Variants in RYR3 observed in about 807,000 individuals in gnomAD.
RYR3 encodes brain ryanodine receptor-calcium release channel.
RYR3 carries 207 observed loss-of-function variants against 584.3 expected under a neutral mutation model. The observed-to-expected ratio is 0.35, with a 90% CI of 0.32 to 0.40. The LOEUF (loss-of-function observed/expected upper bound fraction) is 0.40. Ranked by LOEUF, RYR3 falls within the 10% of genes least tolerant of loss-of-function variation. RYR3 has a pLI of 1.00. For synonymous variants in RYR3, 2,416 were observed against 2,248.5 expected (o/e 1.07, Z -2.11); for missense variants, 5,616 against 6,089.2 (o/e 0.92, Z 2.59).
intron 1 of RYR3, among the ~76,000 whole-genome samples, chr15:33,470,387 C>A (rs1280506429): frequency 1.3e-5 from 2 of 151,494 alleles, no homozygotes; most frequent in Non-Finnish European, 2.9e-5. Flanking sequence ...AGAGTTGAAA[C>A]AAGCTGAAAA....
At chr15:33,334,990 A>C (rs540109355) in intron 1 of RYR3, among the ~76,000 whole-genome samples, 27 of 152,322 alleles carry the variant, frequency 1.8e-4, no homozygotes, top group African/African-American at 6.0e-4. Flanking sequence ...ACCATCTCAC[A>C]CCAGTCAGAA....
chr15:33,567,693 AT>A (rs1431136205), intron 12 of RYR3, among the ~76,000 whole-genome samples: 5 of 152,136 alleles, frequency 3.3e-5, no homozygotes, highest in African/African-American at 1.2e-4. Flanking sequence ...TCTCCCACAG[AT>A]TCTTAAAGTT....
chr15:33,696,540 G>A (rs777398711), intron 39 of RYR3, 49 bp downstream of exon 39: 2 of 1,569,866 alleles, frequency 1.3e-6, no homozygotes, highest in South Asian at 1.1e-5. Flanking sequence ...CTTTAAGTGG[G>A]AAAACTGACT....
chr15:33,788,729 G>C (rs1277353792), intron 67 of RYR3, among the ~76,000 whole-genome samples: 1 of 152,156 alleles, frequency 6.6e-6, no homozygotes, highest in East Asian at 1.9e-4. Context: ...TCAAATAAAG[G>C]TAGCAGTGAC....
intron 1 of RYR3, among the ~76,000 whole-genome samples, chr15:33,402,775 A>C (rs1269112711): frequency 6.6e-6 from 1 of 152,202 alleles, no homozygotes; most frequent in Non-Finnish European, 1.5e-5. Flanking sequence ...CTCTGCTGGG[A>C]TATCAAATTT....
At chr15:33,519,242 C>T (rs541043200) in intron 3 of RYR3, among the ~76,000 whole-genome samples, 1 of 152,276 alleles carries the variant, frequency 6.6e-6, no homozygotes, top group South Asian at 2.1e-4. Context: ...AGCTTATCTA[C>T]AGTCTTCACC....
Position 33,799,312 on chromosome 15 carries a change from G to A in RYR3, c.9831-1458G>A, listed in dbSNP as rs185377825. On this transcript the variant is annotated intron_variant, in intron 67 of 103. Coordinates refer to ENST00000634891, the MANE Select transcript of RYR3 (RefSeq NM_001036.6). The stretch of plus-strand genomic sequence containing the variant: ...GATGTACCAACTCTGCAATTAGAGG[G>A]TTGGGACTTTCAGCCCCACCACCAT... Among the ~76,000 whole-genome samples, 15 of 152,284 alleles carry A rather than the reference G, an allele frequency of 9.9e-5. No homozygotes were observed. The East Asian group carries it at 2.3e-3, about 24-fold the overall frequency.
chr15:33,706,897 A>C, intron 42 of RYR3, 22 bp from the exon 43 acceptor site: 1 of 1,578,712 alleles, frequency 6.3e-7, no homozygotes, highest in Non-Finnish European at 8.6e-7. Context: ...GCGAAAGAAC[A>C]CTTTTGTACT....
At chr15:33,754,799 C>T (rs1039743540) in intron 57 of RYR3, among the ~76,000 whole-genome samples, 14 of 152,078 alleles carry the variant, frequency 9.2e-5, no homozygotes, top group African/African-American at 2.4e-4. Context: ...AAATTCTTTC[C>T]GTAAGAGCAG....
chr15:33,471,520 A>G (rs2048928487), intron 1 of RYR3, among the ~76,000 whole-genome samples: 1 of 151,908 alleles, frequency 6.6e-6, no homozygotes, highest in Non-Finnish European at 1.5e-5. Flanking sequence ...AGAAAGGGAA[A>G]GAGAATTGAG....
chr15:33,675,364 G>A (rs1393521557), intron 38 of RYR3, among the ~76,000 whole-genome samples: 1 of 152,226 alleles, frequency 6.6e-6, no homozygotes, highest in Non-Finnish European at 1.5e-5. Context: ...AAATCACACA[G>A]AGGTGGCATA....
At chr15:33,789,832 G>A (rs1370923666) in intron 67 of RYR3, among the ~76,000 whole-genome samples, 4 of 141,376 alleles carry the variant, frequency 2.8e-5, no homozygotes, top group African/African-American at 1.0e-4. Context: ...AGGCCACCAT[G>A]CCTGGCTAAT....
chr15:33,514,071 T>C (rs1236971943), intron 3 of RYR3, among the ~76,000 whole-genome samples: 1 of 152,172 alleles, frequency 6.6e-6, no homozygotes, highest in African/African-American at 2.4e-5. Context: ...CCTTAAAAAA[T>C]GTTCTTACTG....
At chr15:33,834,903 T>TACTAGACA in intron 86 of RYR3, 65 bp from the exon 87 acceptor site, 1 of 1,289,474 alleles carries the variant, frequency 7.8e-7, no homozygotes, top group Non-Finnish European at 1.1e-6. Flanking sequence ...CAGATGCCCT[T>TACTAGACA]ACTAGACAGG....
intron 32 of RYR3, among the ~76,000 whole-genome samples, chr15:33,653,541 G>A (rs909877012): frequency 2.0e-5 from 3 of 151,896 alleles, no homozygotes; most frequent in Non-Finnish European, 2.9e-5. Flanking sequence ...GTGGTGGCCC[G>A]CGCCTATAGT....
Position 33,503,708 on chromosome 15 carries a change from T to C in RYR3, c.249T>C (p.Leu83=). Residue 83 remains leucine (L), a synonymous_variant, in exon 3 of 104, where the codon CTT becomes CTC. Coordinates refer to ENST00000634891, the MANE Select transcript of RYR3 (RefSeq NM_001036.6). ...CTGTCAGAGCCCTGCAGGAAATGCT[T>C]GCCAACACAGGTGAAAATGGCGGCG... ...SLSVRALQEM[L]ANTGENGGEG... is the part of the protein sequence containing the mutation. The C allele has an allele frequency of 2.5e-6, 4 of 1,612,716 alleles. No homozygotes were observed. Among genetic ancestry groups the C allele is most frequent in the Non-Finnish European group, 3.4e-6 (4 of 1,179,392 alleles).
intron 17 of RYR3, among the ~76,000 whole-genome samples, chr15:33,601,848 T>G (rs903935580): frequency 6.6e-6 from 1 of 152,232 alleles, no homozygotes; most frequent in Non-Finnish European, 1.5e-5. Context: ...TAAACAGTAA[T>G]GCAACTCTTA....
chr15:33,417,506 G>A (rs1472765344), intron 1 of RYR3, among the ~76,000 whole-genome samples: 2 of 152,108 alleles, frequency 1.3e-5, no homozygotes, highest in African/African-American at 4.8e-5. Context: ...TTGGTGTGTA[G>A]AAATACTACT....
chr15:33,452,174 G>T (rs903934487), intron 1 of RYR3, among the ~76,000 whole-genome samples: 3 of 152,174 alleles, frequency 2.0e-5, no homozygotes, highest in Non-Finnish European at 4.4e-5. Flanking sequence ...CAGTTATGGG[G>T]TACAAATCAG....
Sources: allele counts gnomAD v4.1 joint callset (sites outside exome capture counted in the v4.1 genomes callset), GRCh38; gene constraint gnomAD v4.1.1; transcripts MANE v1.5; gene names NCBI Gene and HGNC (gene_info 2026-07-23, HGNC 2026-07-21).